CHRM3: variants seen among roughly 807,000 people sequenced by gnomAD.
CHRM3 encodes muscarinic acetylcholine receptor M3.
A neutral mutation model predicts 41.8 loss-of-function variants in CHRM3; 11 were observed. That is an observed-to-expected ratio of 0.26 (90% CI 0.17 to 0.44). The LOEUF is 0.44. CHRM3 is among the 20% of genes least tolerant of loss of function. The pLI is 1.00. For missense variants in CHRM3, 571 were observed against 745.4 expected (o/e 0.77, Z 2.72); for synonymous variants, 297 against 301.4 (o/e 0.99, Z 0.15).
intron 2 of CHRM3, among the ~76,000 whole-genome samples, chr1:239,521,627 A>T (rs968699638): frequency 6.6e-6 from 1 of 152,198 alleles, no homozygotes; most frequent in Admixed American, 6.5e-5. Flanking sequence ...TTCTTGATGC[A>T]CTGGTTTTAT....
At chr1:239,528,073 A>G (rs1670120920) in intron 2 of CHRM3, among the ~76,000 whole-genome samples, 1 of 152,240 alleles carries the variant, frequency 6.6e-6, no homozygotes, top group African/African-American at 2.4e-5. Context: ...CATTAGTGTC[A>G]GCAACTATCA....
intron 2 of CHRM3, among the ~76,000 whole-genome samples, chr1:239,538,733 C>T (rs574025564): frequency 1.3e-5 from 2 of 152,098 alleles, no homozygotes; most frequent in Non-Finnish European, 2.9e-5. Flanking sequence ...TAAATATAAA[C>T]ATGAAATGAC....
intron 5 of CHRM3, among the ~76,000 whole-genome samples, chr1:239,788,479 C>T (rs1018948864): frequency 6.6e-6 from 1 of 151,928 alleles, no homozygotes; most frequent in Admixed American, 6.6e-5. Flanking sequence ...AAATGATAAC[C>T]CTGAGGCCAG....
At chr1:239,809,563 T>C (rs1670948188) in intron 5 of CHRM3, among the ~76,000 whole-genome samples, 1 of 152,018 alleles carries the variant, frequency 6.6e-6, no homozygotes, top group Admixed American at 6.6e-5. Context: ...AGTGACATGA[T>C]CACAGCTCAC....
chr1:239,813,542 A>G (rs909645939), intron 5 of CHRM3, among the ~76,000 whole-genome samples: 4 of 152,080 alleles, frequency 2.6e-5, no homozygotes, highest in Admixed American at 1.3e-4. Context: ...CAGCAAATAT[A>G]TATCTTCTAC....
chr1:239,751,705 G>T (rs535745994), intron 5 of CHRM3, among the ~76,000 whole-genome samples: 6 of 151,902 alleles, frequency 3.9e-5, no homozygotes, highest in African/African-American at 7.3e-5. Flanking sequence ...AGACAGATGG[G>T]GATTCTCATC....
At chr1:239,798,612 G>T (rs1252157845) in intron 5 of CHRM3, among the ~76,000 whole-genome samples, 4 of 152,162 alleles carry the variant, frequency 2.6e-5, no homozygotes, top group African/African-American at 9.7e-5. Flanking sequence ...AAGTCACTCT[G>T]CACATCATCA....
At chr1:239,605,211 A>G (rs558756362) in intron 3 of CHRM3, among the ~76,000 whole-genome samples, 170 of 152,322 alleles carry the variant, frequency 1.1e-3, no homozygotes, top group Non-Finnish European at 1.8e-3. Context: ...TGTGCCACAT[A>G]CTGACATTTC....
intron 5 of CHRM3, among the ~76,000 whole-genome samples, chr1:239,695,872 T>A (rs1283995645): frequency 6.6e-6 from 1 of 152,178 alleles, no homozygotes; most frequent in Admixed American, 6.5e-5. Context: ...CGCTCAAAAA[T>A]TTGCACAATT....
At chr1:239,639,405 G>A (rs1372716165) in intron 4 of CHRM3, among the ~76,000 whole-genome samples, 2 of 152,170 alleles carry the variant, frequency 1.3e-5, no homozygotes, top group African/African-American at 4.8e-5. Context: ...AGCATGGAAT[G>A]TTCTTCCATT....
Position 239,584,318 on chromosome 1 carries a change from G to T in CHRM3, c.-313+38569G>T, listed in dbSNP as rs181289351. ...AGGGTTTTGCCATGCTGGCCAGGCT[G>T]GTCTCGAACACCTGATCTCAAGTGA... is the stretch of plus-strand genomic sequence containing the variant. On this transcript the variant is annotated intron_variant, in intron 3 of 6. Transcript: ENST00000676153. 2.7e-3 allele frequency among the ~76,000 whole-genome samples: 408 copies of T among 151,948 alleles called. 3 individuals carry two copies. The highest frequency in any genetic ancestry group is 9.7e-3 in the African/African-American group (400 of 41,446).
chr1:239,683,678 T>G (rs1658795370), intron 5 of CHRM3, among the ~76,000 whole-genome samples: 1 of 152,186 alleles, frequency 6.6e-6, no homozygotes, highest in Admixed American at 6.5e-5. Context: ...CTCTGCAAAC[T>G]CTAGTCTGGT....
At chr1:239,512,755 G>A (rs528642393) in intron 2 of CHRM3, among the ~76,000 whole-genome samples, 2 of 151,858 alleles carry the variant, frequency 1.3e-5, no homozygotes, top group East Asian at 3.9e-4. Context: ...CTAGCTTTAT[G>A]TAGAGGCTTT....
chr1:239,875,238 T>TA (rs1209965689), intron 6 of CHRM3, among the ~76,000 whole-genome samples: 10 of 152,182 alleles, frequency 6.6e-5, no homozygotes, highest in African/African-American at 2.2e-4. Context: ...AGATGGGGGT[T>TA]ACACAGAGAG....
At chr1:239,634,774 G>C (rs1305527283) in intron 4 of CHRM3, among the ~76,000 whole-genome samples, 1 of 152,194 alleles carries the variant, frequency 6.6e-6, no homozygotes, top group Non-Finnish European at 1.5e-5. Flanking sequence ...GCACGGAGCT[G>C]ACTTGGGGGA....
At chr1:239,894,824 T>G (rs1410757196) in intron 6 of CHRM3, among the ~76,000 whole-genome samples, 1 of 152,062 alleles carries the variant, frequency 6.6e-6, no homozygotes, top group Non-Finnish European at 1.5e-5. Flanking sequence ...CATACAGTAT[T>G]ACTAGTCTTC....
intron 2 of CHRM3, among the ~76,000 whole-genome samples, chr1:239,509,053 G>T (rs1159473899): frequency 1.3e-5 from 2 of 152,154 alleles, no homozygotes; most frequent in African/African-American, 2.4e-5. Context: ...CATCCTAACA[G>T]ACATTTATTG....
intron 3 of CHRM3, among the ~76,000 whole-genome samples, chr1:239,580,778 A>G (rs1034144794): frequency 6.1e-5 from 9 of 147,964 alleles, no homozygotes; most frequent in African/African-American, 2.2e-4. Context: ...AAATATATAT[A>G]TATAAATACA....
chr1:239,524,822 G>A (rs545186087), intron 2 of CHRM3, among the ~76,000 whole-genome samples: 32 of 151,932 alleles, frequency 2.1e-4, no homozygotes, highest in African/African-American at 7.2e-4. Context: ...ATCCTGCCAC[G>A]GCTCTTTGAA....
Sources: allele counts gnomAD v4.1 joint callset (sites outside exome capture counted in the v4.1 genomes callset), GRCh38; gene constraint gnomAD v4.1.1; transcripts MANE v1.5; gene names NCBI Gene and HGNC (gene_info 2026-07-23, HGNC 2026-07-21).